The following GHR variants were observed in gnomAD, a reference collection of about 807,000 sequenced individuals.
GHR encodes the protein growth hormone receptor.
In GHR, 35 loss-of-function variants were observed where a neutral mutation model predicts 67.1. The observed-to-expected ratio is 0.52, with a 90% CI of 0.40 to 0.69. The LOEUF (loss-of-function observed/expected upper bound fraction) is 0.69, where lower values mean the gene tolerates loss of function less well. GHR is among the 30% of genes least tolerant of loss of function. The pLI is 0.00. For synonymous variants in GHR, 272 were observed against 269.1 expected, an observed-to-expected ratio of 1.01 and a Z score of -0.10; for missense variants, 792 against 764.6, an observed-to-expected ratio of 1.04 and a Z score of -0.42.
rs549741979 is a variant in GHR, at chr5:42,480,266, T to A, written c.-12+56311T>A. ...GGTCTGAGAGACAGTTTGTTATAAT[T>A]TCTGTTCTCTTACATTTGCTGAGGA... On this transcript the variant is annotated intron_variant, in intron 1 of 9. Transcript: ENST00000230882. Among the ~76,000 whole-genome samples, 10 of 152,342 alleles carry A rather than the reference T, an allele frequency of 6.6e-5. No homozygotes were observed. In the South Asian group the frequency reaches 1.9e-3, roughly 28 times the overall value.
intron 1 of GHR, among the ~76,000 whole-genome samples, chr5:42,562,644 C>CTTTTTT (rs1212633265): frequency 1.2e-4 from 9 of 77,748 alleles, no homozygotes; most frequent in African/African-American, 1.7e-4. Flanking sequence ...GTTATAGTTC[C>CTTTTTT]TTTTTTTTTT....
At chr5:42,681,087 C>A (rs1459136101) in intron 3 of GHR, among the ~76,000 whole-genome samples, 1 of 151,976 alleles carries the variant, frequency 6.6e-6, no homozygotes, top group Non-Finnish European at 1.5e-5. Flanking sequence ...AAAACAATGG[C>A]AACAAAAGCC....
chr5:42,487,817 T>C lies in GHR; in HGVS notation c.-12+63862T>C, dbSNP rs902137996. On this transcript the variant is annotated intron_variant, in intron 1 of 9. Transcript: ENST00000230882. ...TACTAATAAAGGTTATTATTGCTTA[T>C]ATATCTAAAAATGCTCCAACTGTCC... 3.9e-5 allele frequency among the ~76,000 whole-genome samples: 6 copies of C among 152,364 alleles called. No individual in the cohort carries two copies. The East Asian group carries it at 7.7e-4, about 20-fold the overall frequency.
intron 1 of GHR, among the ~76,000 whole-genome samples, chr5:42,479,697 T>C (rs897777316): frequency 6.6e-6 from 1 of 152,230 alleles, no homozygotes; most frequent in Non-Finnish European, 1.5e-5. Context: ...TATTCTCTGA[T>C]GGTAGTTTGT....
intron 3 of GHR, among the ~76,000 whole-genome samples, chr5:42,677,515 T>C (rs956307074): frequency 6.6e-6 from 1 of 152,194 alleles, no homozygotes; most frequent in Non-Finnish European, 1.5e-5. Flanking sequence ...TATCTAGAAC[T>C]CAGGCTTTGA....
At chr5:42,462,743 C>A (rs1275986297) in intron 1 of GHR, among the ~76,000 whole-genome samples, 2 of 151,452 alleles carry the variant, frequency 1.3e-5, no homozygotes, top group African/African-American at 4.9e-5. Context: ...TAGGGAGGTC[C>A]TCAAATTCAA....
chr5:42,453,642 G>A (rs1744141040), intron 1 of GHR, among the ~76,000 whole-genome samples: 1 of 152,204 alleles, frequency 6.6e-6, no homozygotes, highest in Non-Finnish European at 1.5e-5. Flanking sequence ...GTTGTTCCAA[G>A]TAGGGAGGAA....
At chr5:42,426,414 A>G (rs1234178068) in intron 1 of GHR, among the ~76,000 whole-genome samples, 3 of 152,188 alleles carry the variant, frequency 2.0e-5, no homozygotes, top group Non-Finnish European at 4.4e-5. Flanking sequence ...AGCATGGATT[A>G]TGTTTTTTAA....
intron 3 of GHR, among the ~76,000 whole-genome samples, chr5:42,680,693 C>T (rs892899514): frequency 2.6e-5 from 4 of 151,730 alleles, no homozygotes; most frequent in Admixed American, 6.6e-5. Context: ...TTAGTAGAGA[C>T]GGAGTTTCAC....
chr5:42,687,647 G>C (rs558914536), intron 3 of GHR, among the ~76,000 whole-genome samples: 1 of 152,174 alleles, frequency 6.6e-6, no homozygotes, highest in South Asian at 2.1e-4. Flanking sequence ...GCCTGTTTTT[G>C]GTTCATAACA....
chr5:42,665,810 G>C (rs1377813272), intron 3 of GHR, among the ~76,000 whole-genome samples: 1 of 152,084 alleles, frequency 6.6e-6, no homozygotes, highest in Non-Finnish European at 1.5e-5. Flanking sequence ...TGGCTGGTGA[G>C]GCCTCACAGT....
intron 1 of GHR, among the ~76,000 whole-genome samples, chr5:42,474,257 C>CAGACAGAAAGAAAGAAAGAAAGAAAGAA (rs1182799025): frequency 9.6e-4 from 84 of 87,938 alleles, no homozygotes; most frequent in African/African-American, 3.0e-3. Context: ...GAAAGACAGA[C>CAGACAGAAAGAAAGAAAGAAAGAAAGAA]AGAAAGAAAG....
chr5:42,541,613 G>A (rs1400566408), intron 1 of GHR, among the ~76,000 whole-genome samples: 1 of 152,170 alleles, frequency 6.6e-6, no homozygotes, highest in Non-Finnish European at 1.5e-5. Context: ...CAATTTGGGT[G>A]TTGGGAATAA....
intron 1 of GHR, among the ~76,000 whole-genome samples, chr5:42,471,117 C>G (rs1306543562): frequency 6.6e-6 from 1 of 152,178 alleles, no homozygotes; most frequent in Non-Finnish European, 1.5e-5. Context: ...GCTGGAATAG[C>G]CTATACTTTG....
At chr5:42,600,406 C>CT (rs1319788971) in intron 2 of GHR, among the ~76,000 whole-genome samples, 2 of 152,170 alleles carry the variant, frequency 1.3e-5, no homozygotes, top group African/African-American at 4.8e-5. Context: ...CTGGAATGCC[C>CT]TTTTATATTT....
chr5:42,635,274 T>C (rs1483756032), intron 3 of GHR, among the ~76,000 whole-genome samples: 1 of 152,184 alleles, frequency 6.6e-6, no homozygotes, highest in Non-Finnish European at 1.5e-5. Flanking sequence ...CCTAGGGTTA[T>C]TATTTATCCC....
In GHR at chr5:42,650,384, A is replaced by G. The variant is rs1362865395; in HGVS notation, c.136+21281A>G. ...CTAGATAAAGAATTTATTTGCTCCA[A>G]AAACTTTCACTGTATTAAATTAAAT... On this transcript the variant is annotated intron_variant, in intron 3 of 9. Transcript: ENST00000230882. Among the ~76,000 whole-genome samples, 4 of 152,190 alleles carry G rather than the reference A, an allele frequency of 2.6e-5. No individual in the cohort carries two copies. In the East Asian group the frequency reaches 7.7e-4, roughly 29 times the overall value.
rs144046221 is a variant in GHR, at chr5:42,719,061, G to A, written c.1554G>A (p.Pro518=). The A allele has an allele frequency of 7.5e-5, 121 of 1,610,992 alleles. No individual in the cohort carries two copies. Among genetic ancestry groups the A allele is most frequent in the African/African-American group, 1.9e-4 (14 of 74,958 alleles). The change falls in exon 10 of 10, where the codon CCG becomes CCA. Residue 518 remains proline (P), a synonymous_variant. Coordinates refer to ENST00000230882, the MANE Select transcript of GHR (RefSeq NM_000163.5). The stretch of plus-strand genomic sequence containing the variant: ...GGATGTCCCAATGTGACATGCACCC[G>A]GAAATGGTCTCACTCTGCCAAGAAA... ...KAGMSQCDMH[P]EMVSLCQENF...
At chr5:42,441,078 T>C (rs1743545561) in intron 1 of GHR, among the ~76,000 whole-genome samples, 1 of 152,134 alleles carries the variant, frequency 6.6e-6, no homozygotes, top group Non-Finnish European at 1.5e-5. Flanking sequence ...TACACACTAT[T>C]AAAGCCACTG....
Sources: allele counts gnomAD v4.1 joint callset (sites outside exome capture counted in the v4.1 genomes callset), GRCh38; gene constraint gnomAD v4.1.1; transcripts MANE v1.5; gene names NCBI Gene and HGNC (gene_info 2026-07-23, HGNC 2026-07-21).